The following CDKAL1 variants were observed in gnomAD, a reference collection of about 807,000 sequenced individuals.
CDKAL1 encodes CDKAL1 threonylcarbamoyladenosine tRNA methylthiotransferase, also known as threonylcarbamoyladenosine tRNA methylthiotransferase.
In CDKAL1, 32 loss-of-function variants were observed where a neutral mutation model predicts 68.2. The observed-to-expected ratio is 0.47, with a 90% CI of 0.35 to 0.63. The LOEUF is 0.63. CDKAL1 is among the 30% of genes least tolerant of loss of function. CDKAL1 has a pLI of 0.00. For synonymous variants in CDKAL1, 234 were observed against 244.3 expected (o/e 0.96, Z 0.39); for missense variants, 606 against 696.7 (o/e 0.87, Z 1.47).
intron 8 of CDKAL1, among the ~76,000 whole-genome samples, chr6:20,793,439 A>G (rs890257377): frequency 6.6e-6 from 1 of 152,188 alleles, no homozygotes. Flanking sequence ...AGATTCTGCT[A>G]CTGCTGAAGG....
intron 9 of CDKAL1, among the ~76,000 whole-genome samples, chr6:20,913,715 T>C (rs1380418790): frequency 6.6e-6 from 1 of 152,190 alleles, no homozygotes; most frequent in African/African-American, 2.4e-5. Flanking sequence ...TGGTGATGGC[T>C]TATCCCTGTA....
At chr6:21,170,593 G>T (rs1777342709) in intron 13 of CDKAL1, among the ~76,000 whole-genome samples, 1 of 152,152 alleles carries the variant, frequency 6.6e-6, no homozygotes, top group East Asian at 1.9e-4. Context: ...CTCCCAAAGT[G>T]CTGGGATTAC....
At chr6:21,164,881 G>A (rs1777086490) in intron 13 of CDKAL1, among the ~76,000 whole-genome samples, 1 of 152,134 alleles carries the variant, frequency 6.6e-6, no homozygotes, top group Non-Finnish European at 1.5e-5. Flanking sequence ...TTAAAAAAAT[G>A]TCTTTGCCAT....
At chr6:21,203,575 G>A (rs1174581541) in intron 15 of CDKAL1, among the ~76,000 whole-genome samples, 1 of 151,506 alleles carries the variant, frequency 6.6e-6, no homozygotes, top group East Asian at 1.9e-4. Flanking sequence ...ACAGGATCTC[G>A]CTTTGTTGCC....
At chr6:20,654,734 G>A (rs1434349220) in intron 5 of CDKAL1, among the ~76,000 whole-genome samples, 1 of 151,946 alleles carries the variant, frequency 6.6e-6, no homozygotes, top group Non-Finnish European at 1.5e-5. Context: ...TTTTATCTGT[G>A]CATTGCCCAC....
At chr6:20,924,846 A>G (rs1403736617) in intron 9 of CDKAL1, among the ~76,000 whole-genome samples, 4 of 152,240 alleles carry the variant, frequency 2.6e-5, no homozygotes, top group African/African-American at 9.6e-5. Flanking sequence ...ACAGATTTTC[A>G]ATATAGATGA....
intron 4 of CDKAL1, among the ~76,000 whole-genome samples, chr6:20,600,379 T>C (rs1766029564): frequency 6.6e-6 from 1 of 152,132 alleles, no homozygotes; most frequent in Admixed American, 6.5e-5. Context: ...TTTGCAAAGG[T>C]TGAGGAAAAG....
At chr6:21,169,257 A>T (rs1777278285) in intron 13 of CDKAL1, among the ~76,000 whole-genome samples, 1 of 152,236 alleles carries the variant, frequency 6.6e-6, no homozygotes, top group Admixed American at 6.5e-5. Context: ...AACCTGTGTG[A>T]TTTAAAAAGT....
intron 4 of CDKAL1, among the ~76,000 whole-genome samples, chr6:20,590,042 A>G (rs1231570171): frequency 6.6e-6 from 1 of 152,208 alleles, no homozygotes; most frequent in Non-Finnish European, 1.5e-5. Flanking sequence ...TATAAGTAGT[A>G]AATGAATTTA....
At chr6:21,106,659 A>G (rs1348176253) in intron 12 of CDKAL1, among the ~76,000 whole-genome samples, 2 of 152,234 alleles carry the variant, frequency 1.3e-5, no homozygotes, top group Non-Finnish European at 2.9e-5. Context: ...TTTATATTGT[A>G]TTAGATATTC....
chr6:20,864,130 T>C (rs998750982), intron 9 of CDKAL1, among the ~76,000 whole-genome samples: 5 of 152,228 alleles, frequency 3.3e-5, no homozygotes, highest in Non-Finnish European at 7.4e-5. Context: ...TCAGCAATAA[T>C]GTATCTGTAA....
intron 10 of CDKAL1, among the ~76,000 whole-genome samples, chr6:20,995,529 G>A (rs1439511793): frequency 1.3e-5 from 2 of 152,196 alleles, no homozygotes; most frequent in East Asian, 1.9e-4. Context: ...TCTCTTAGAT[G>A]ACCAGGTGCA....
At chr6:20,898,249 C>G (rs1443879049) in intron 9 of CDKAL1, among the ~76,000 whole-genome samples, 1 of 151,554 alleles carries the variant, frequency 6.6e-6, no homozygotes, top group Non-Finnish European at 1.5e-5. Context: ...TTCTGCTTGT[C>G]TTTATCCCTC....
chr6:21,189,598 C>A (rs1030594187), intron 13 of CDKAL1, among the ~76,000 whole-genome samples: 29 of 152,164 alleles, frequency 1.9e-4, no homozygotes, highest in African/African-American at 7.0e-4. Flanking sequence ...CTTAAGTAGA[C>A]CAACAAATTG....
chr6:21,003,913 T>C (rs1767589125), intron 11 of CDKAL1, among the ~76,000 whole-genome samples: 1 of 152,242 alleles, frequency 6.6e-6, no homozygotes, highest in Admixed American at 6.5e-5. Flanking sequence ...GCTTTTTAAA[T>C]CCTTTCTAAA....
At chr6:20,939,557 A>G (rs1763877631) in intron 9 of CDKAL1, among the ~76,000 whole-genome samples, 1 of 152,246 alleles carries the variant, frequency 6.6e-6, no homozygotes, top group African/African-American at 2.4e-5. Flanking sequence ...CAGGGCACTT[A>G]TGAAAGATAA....
chr6:21,026,061 G>A (rs142198830), intron 11 of CDKAL1, among the ~76,000 whole-genome samples: 19 of 151,670 alleles, frequency 1.3e-4, no homozygotes, highest in African/African-American at 1.7e-4. Flanking sequence ...CTCATTTCTC[G>A]TTGTTAAACA....
At chr6:21,123,616 G>A (rs896032429) in intron 13 of CDKAL1, among the ~76,000 whole-genome samples, 10 of 152,158 alleles carry the variant, frequency 6.6e-5, no homozygotes, top group Admixed American at 1.3e-4. Flanking sequence ...GTCCTGCTCC[G>A]GGGCCCTGTG....
Position 21,213,809 on chromosome 6 carries a change from A to C in CDKAL1, c.1548+12535A>C, listed in dbSNP as rs138585857. ...CCTCCTCAAAACCATCTAGTGCTCCATATGACTCAGAGCATTCCGTATATA... is the reference window on the plus strand; with the variant it reads ...CCTCCTCAAAACCATCTAGTGCTCCCTATGACTCAGAGCATTCCGTATATA... On this transcript the variant is annotated intron_variant, in intron 15 of 15. Transcript: ENST00000274695. Among the ~76,000 whole-genome samples, 974 of 152,348 alleles carry C rather than the reference A, an allele frequency of 6.4e-3. 5 individuals carry two copies. Among genetic ancestry groups the C allele is most frequent in the Middle Eastern group, 0.014 (4 of 294 alleles).
Sources: gnomAD v4.1 joint callset for allele counts (sites outside exome capture counted in the v4.1 genomes callset) on GRCh38, gnomAD v4.1.1 for gene constraint, MANE v1.5 for transcripts, NCBI Gene and HGNC (gene_info 2026-07-23, HGNC 2026-07-21) for gene names.